Variants in RIN3 observed in about 807,000 individuals in gnomAD.
RIN3 encodes the protein Ras and Rab interactor 3, also known as RAB5 interacting protein 3.
A neutral mutation model predicts 76.3 loss-of-function variants in RIN3; 54 were observed. The observed-to-expected ratio is 0.71, with a 90% CI of 0.57 to 0.89. The LOEUF (loss-of-function observed/expected upper bound fraction) is 0.89, where lower values mean the gene tolerates loss of function less well. RIN3 is among the 40% of genes least tolerant of loss of function. The pLI is 0.00. For synonymous variants in RIN3, 576 were observed against 564.0 expected, an observed-to-expected ratio of 1.02 and a Z score of -0.30; for missense variants, 1,256 against 1,322.1, an observed-to-expected ratio of 0.95 and a Z score of 0.78.
chr14:92,657,301 C>G (rs999617991), intron 6 of RIN3, among the ~76,000 whole-genome samples: 3 of 151,542 alleles, frequency 2.0e-5, no homozygotes, highest in Admixed American at 6.6e-5. Flanking sequence ...GTGGAGGTTG[C>G]AGTGAGCCAA....
intron 8 of RIN3, among the ~76,000 whole-genome samples, chr14:92,684,307 G>C (rs148518363): frequency 0.012 from 1,815 of 151,238 alleles, 29 homozygotes; most frequent in African/African-American, 0.042. Context: ...TTGAACGTGG[G>C]AGGTGCAGGT....
chr14:92,534,755 C>T (rs1046940517), intron 1 of RIN3, among the ~76,000 whole-genome samples: 4 of 152,026 alleles, frequency 2.6e-5, no homozygotes, highest in Non-Finnish European at 5.9e-5. Context: ...ATCCCTACAC[C>T]TTCCACTATC....
chr14:92,609,179 A>T (rs1350359494), intron 3 of RIN3, among the ~76,000 whole-genome samples: 2 of 152,178 alleles, frequency 1.3e-5, no homozygotes, highest in Admixed American at 6.5e-5. Flanking sequence ...CTCTTTAAAA[A>T]CAAAAACACC....
At chr14:92,663,764 G>A (rs955124210) in intron 7 of RIN3, among the ~76,000 whole-genome samples, 9 of 152,156 alleles carry the variant, frequency 5.9e-5, no homozygotes, top group African/African-American at 9.7e-5. Context: ...GTTCATCCAC[G>A]GTCCTGGTTT....
At chr14:92,598,388 A>G (rs185097751) in intron 3 of RIN3, among the ~76,000 whole-genome samples, 1 of 152,348 alleles carries the variant, frequency 6.6e-6, no homozygotes, top group East Asian at 1.9e-4. Context: ...AGTCAGTGCC[A>G]AAAAGAGCAG....
intron 1 of RIN3, among the ~76,000 whole-genome samples, chr14:92,528,168 G>A (rs1896793928): frequency 6.6e-6 from 1 of 152,228 alleles, no homozygotes; most frequent in South Asian, 2.1e-4. Flanking sequence ...AGTGTATTGA[G>A]GAGGCTGAGT....
chr14:92,665,309 G>A (rs541655096), intron 7 of RIN3, among the ~76,000 whole-genome samples: 3 of 151,402 alleles, frequency 2.0e-5, no homozygotes, highest in African/African-American at 7.3e-5. Context: ...CATATACGTG[G>A]TCCATCATTG....
At chr14:92,633,129 G>A (rs59067086) in intron 4 of RIN3, among the ~76,000 whole-genome samples, 10,602 of 152,242 alleles carry the variant, frequency 0.07, 1,038 homozygotes, top group African/African-American at 0.22. Flanking sequence ...CCAGAGGGGT[G>A]AGGGCAGCCC....
intron 7 of RIN3, among the ~76,000 whole-genome samples, chr14:92,669,277 T>C (rs138919505): frequency 1.4e-4 from 21 of 152,262 alleles, no homozygotes; most frequent in South Asian, 4.1e-4. Context: ...GCAAAATATA[T>C]CCTCCAAGGT....
intron 8 of RIN3, among the ~76,000 whole-genome samples, chr14:92,683,295 G>T (rs1888733997): frequency 6.6e-6 from 1 of 152,124 alleles, no homozygotes; most frequent in Non-Finnish European, 1.5e-5. Context: ...GAGAGACCAG[G>T]GTTTCCAGGG....
chr14:92,535,904 AT>A (rs1345333217), intron 1 of RIN3, among the ~76,000 whole-genome samples: 1 of 149,992 alleles, frequency 6.7e-6, no homozygotes, highest in Non-Finnish European at 1.5e-5. Context: ...GCTGGAACTG[AT>A]TTTTTAAGTT....
chr14:92,528,693 G>A (rs1268719547), intron 1 of RIN3, among the ~76,000 whole-genome samples: 1 of 152,228 alleles, frequency 6.6e-6, no homozygotes, highest in African/African-American at 2.4e-5. Flanking sequence ...TTCATGCAGT[G>A]TGGAGATACA....
In RIN3 at chr14:92,535,693, T is replaced by TA. The variant is rs1896982791; in HGVS notation, c.45-20057dup. On this transcript the variant is annotated intron_variant, in intron 1 of 9. Coordinates refer to ENST00000216487, the MANE Select transcript of RIN3 (RefSeq NM_024832.5). ...ACTTTTTTTTTTTTTTTTTTTTTTT[T>TA]AGACAGAGTCTTGCTCTGTCGCCTA... Among the ~76,000 whole-genome samples the TA allele has an allele frequency of 3.3e-5, 3 of 91,780 alleles. 1 individual carries two copies. The highest frequency in any genetic ancestry group is 6.3e-5 in the Non-Finnish European group (3 of 47,262). The allele number at this position is 91,780 out of a possible 152,430, so 60.2% of individuals were successfully genotyped here.
intron 2 of RIN3, among the ~76,000 whole-genome samples, chr14:92,569,103 T>C (rs1160525482): frequency 1.3e-5 from 2 of 152,206 alleles, no homozygotes; most frequent in Non-Finnish European, 2.9e-5. Flanking sequence ...CTTGAACCAC[T>C]CTCTCTTTAG....
At position 92,651,769 on chromosome 14, in the gene RIN3, C is replaced by T. The variant is rs773650328; in HGVS notation, c.720C>T (p.Ile240=). 3.0e-5 allele frequency: 48 copies of T among 1,614,084 alleles called. No homozygotes were observed. Among genetic ancestry groups the T allele is most frequent in the Middle Eastern group, 1.7e-4 (1 of 6,056 alleles). Residue 240 remains isoleucine, a synonymous_variant, in exon 6 of 10, where the codon ATC becomes ATT. Transcript: ENST00000216487. The stretch of plus-strand genomic sequence containing the variant: ...TGTGGTTTGTGAATCCTATTTTCAT[C>T]GAGGACTGCAGCAGCGCCCTGCCCA... ...DRLWFVNPIF[I]EDCSSALPTD... is the part of the protein sequence containing the mutation.
intron 4 of RIN3, among the ~76,000 whole-genome samples, chr14:92,619,227 G>A (rs542391678): frequency 7.8e-4 from 119 of 152,028 alleles, no homozygotes; most frequent in African/African-American, 2.8e-3. Context: ...GGGGCCCTCT[G>A]ATCCATCCAA....
chr14:92,688,184 G>A lies in RIN3; in HGVS notation c.2890G>A (p.Asp964Asn), dbSNP rs780692832. The change falls in exon 10 of 10, where the codon GAC becomes AAC. Residue 964 changes from aspartate (D) to asparagine (N), a missense_variant. Physicochemically the swap from Asp to Asn is conservative, Grantham distance 23. This residue lies in a region of RIN3 where 218 missense variants were observed against 174.5 expected (regional missense o/e 1.25). Coordinates refer to ENST00000216487, the MANE Select transcript of RIN3 (RefSeq NM_024832.5). ...CTTCCACTTTGTCTACCGGCCCCTGGACGGTGGTGGCGGCGGCGGCGGCGG... is the reference window on the plus strand; with the variant it reads ...CTTCCACTTTGTCTACCGGCCCCTGAACGGTGGTGGCGGCGGCGGCGGCGG... ...RDFHFVYRPL[D>N]GGGGGGGGSP... 3 of 1,553,056 alleles carry A rather than the reference G, an allele frequency of 1.9e-6. No individual in the cohort carries two copies. The highest frequency in any genetic ancestry group is 3.6e-5 in the Admixed American group (2 of 55,076).
At chr14:92,620,870 C>T (rs1595461444) in intron 4 of RIN3, among the ~76,000 whole-genome samples, 2 of 152,260 alleles carry the variant, frequency 1.3e-5, no homozygotes, top group East Asian at 3.9e-4. Context: ...TGACTTTAGG[C>T]ACATGGCCAA....
chr14:92,642,883 C>T (rs1274903548), intron 5 of RIN3, among the ~76,000 whole-genome samples: 1 of 152,200 alleles, frequency 6.6e-6, no homozygotes, highest in Admixed American at 6.5e-5. Context: ...TGGCTCGTCG[C>T]AGCTTCAAAC....
Sources: gnomAD v4.1 joint callset for allele counts (sites outside exome capture counted in the v4.1 genomes callset) on GRCh38, gnomAD v4.1.1 for gene constraint, gnomAD v4.1.1 regional missense constraint, MANE v1.5 for transcripts, NCBI Gene and HGNC (gene_info 2026-07-23, HGNC 2026-07-21) for gene names.